Variants in LIN52 observed in about 807,000 individuals in gnomAD.
LIN52 encodes the protein protein lin-52 homolog.
A neutral mutation model predicts 18.5 loss-of-function variants in LIN52; 4 were observed. The ratio of observed to expected loss-of-function variants is 0.22; its 90% CI spans 0.11 to 0.49. The LOEUF (loss-of-function observed/expected upper bound fraction) is 0.49. Among genes scored for constraint, LIN52 ranks in the 20% least tolerant of loss-of-function variants. The pLI is 0.97. For missense variants in LIN52, 102 were observed against 139.5 expected, an observed-to-expected ratio of 0.73 and a Z score of 1.35; for synonymous variants, 34 against 45.5, an observed-to-expected ratio of 0.75 and a Z score of 1.02.
intron 5 of LIN52, 33 bp downstream of exon 5, chr14:74,101,271 T>G: frequency 1.4e-6 from 2 of 1,477,984 alleles, no homozygotes; most frequent in Non-Finnish European, 1.9e-6. Context: ...TTCAGGGGTG[T>G]ATTCCACCCT....
At chr14:74,153,708 T>C (rs1276758700) in intron 5 of LIN52, among the ~76,000 whole-genome samples, 1 of 152,112 alleles carries the variant, frequency 6.6e-6, no homozygotes, top group Non-Finnish European at 1.5e-5. Flanking sequence ...CATGCCCGGC[T>C]AATTTTTGTA....
At chr14:74,169,635 A>C (rs2061262802) in intron 5 of LIN52, among the ~76,000 whole-genome samples, 1 of 152,238 alleles carries the variant, frequency 6.6e-6, no homozygotes, top group Admixed American at 6.5e-5. Context: ...GCAATACAGA[A>C]AGAAAGCAAA....
intron 5 of LIN52, among the ~76,000 whole-genome samples, chr14:74,176,173 T>C (rs2061293610): frequency 6.6e-6 from 1 of 152,176 alleles, no homozygotes; most frequent in Non-Finnish European, 1.5e-5. Flanking sequence ...TTTTATATTA[T>C]AATTATTGAG....
intron 5 of LIN52, among the ~76,000 whole-genome samples, chr14:74,143,108 A>C (rs2061138936): frequency 1.3e-5 from 2 of 152,164 alleles, no homozygotes; most frequent in East Asian, 3.9e-4. Flanking sequence ...CGGGATGTGC[A>C]TTTGAAATAG....
At chr14:74,160,188 G>A (rs556395027) in intron 5 of LIN52, among the ~76,000 whole-genome samples, 2 of 152,302 alleles carry the variant, frequency 1.3e-5, no homozygotes, top group South Asian at 4.1e-4. Context: ...TGGACATGGA[G>A]ACAGACATGC....
chr14:74,200,403 ACT>A lies in LIN52; in HGVS notation c.*1429_*1430del, dbSNP rs1223291612. On this transcript the variant is annotated 3_prime_UTR_variant, in exon 6 of 6. Transcript: ENST00000555028. ...ACTCCAGCCTGGGCAACAGAGTGAG[ACT>A]CTGTCTCAGAAAAAAAAAAAAAAAA... The A allele has an allele frequency of 1.6e-5, 2 of 126,050 alleles. No homozygotes were observed. The highest frequency in any genetic ancestry group is 8.8e-5 in the Admixed American group (1 of 11,364). The allele number at this position is 126,050 out of a possible 1,614,324, so 7.8% of individuals were successfully genotyped here. A position where few individuals can be genotyped will look rare whatever the true frequency, so the allele number is the denominator to read the frequency against.
At chr14:74,140,000 T>TA (rs2061120620) in intron 5 of LIN52, among the ~76,000 whole-genome samples, 1 of 152,138 alleles carries the variant, frequency 6.6e-6, no homozygotes, top group Non-Finnish European at 1.5e-5. Flanking sequence ...CCTTTTATAA[T>TA]ATATAGTGTA....
chr14:74,183,739 T>C (rs1169210135), intron 5 of LIN52, among the ~76,000 whole-genome samples: 1 of 152,146 alleles, frequency 6.6e-6, no homozygotes, highest in Non-Finnish European at 1.5e-5. Context: ...TGTTATGTTG[T>C]TTACTATAAT....
At chr14:74,112,630 T>C (rs2060936825) in intron 5 of LIN52, among the ~76,000 whole-genome samples, 1 of 152,226 alleles carries the variant, frequency 6.6e-6, no homozygotes, top group Admixed American at 6.5e-5. Context: ...TGAAACTACA[T>C]TGGACTAATT....
chr14:74,084,980 G>C lies in LIN52; in HGVS notation c.6G>C (p.Ala2=). The change falls in exon 1 of 6, where the codon GCG becomes GCC. Residue 2 remains alanine, a synonymous_variant. Transcript: ENST00000555028. ...CACGTGACATGGGTTGGAAGATGGC[G>C]TCTCCCACAGACGGTAAGAGCCGGC... M[A]SPTDGTDLEA... is the part of the protein sequence containing the mutation. The C allele has an allele frequency of 1.4e-6, 2 of 1,434,184 alleles. No individual in the cohort carries two copies. The highest frequency in any genetic ancestry group is 1.8e-6 in the Non-Finnish European group (2 of 1,090,228). The allele number at this position is 1,434,184 out of a possible 1,614,324, so 88.8% of individuals were successfully genotyped here.
intron 5 of LIN52, among the ~76,000 whole-genome samples, chr14:74,171,131 C>G (rs1385213572): frequency 6.6e-6 from 1 of 151,628 alleles, no homozygotes; most frequent in East Asian, 1.9e-4. Flanking sequence ...TGCCTATAAT[C>G]CTAACACTTT....
chr14:74,179,606 A>C (rs1304383837), intron 5 of LIN52, among the ~76,000 whole-genome samples: 1 of 151,200 alleles, frequency 6.6e-6, no homozygotes, highest in Non-Finnish European at 1.5e-5. Flanking sequence ...CAGTGAACCA[A>C]GATCAGGCCA....
chr14:74,104,129 C>T (rs949897480), intron 5 of LIN52, among the ~76,000 whole-genome samples: 1 of 151,974 alleles, frequency 6.6e-6, no homozygotes, highest in Non-Finnish European at 1.5e-5. Context: ...AATCTCCTGA[C>T]CTCGTGATCC....
intron 1 of LIN52, among the ~76,000 whole-genome samples, chr14:74,086,948 GAAAA>G (rs151235071): frequency 6.7e-6 from 1 of 149,738 alleles, no homozygotes; most frequent in Non-Finnish European, 1.5e-5. Context: ...CACCACAGTT[GAAAA>G]AAAAAGCCAA....
chr14:74,107,443 C>G (rs1272148194), intron 5 of LIN52, among the ~76,000 whole-genome samples: 1 of 152,050 alleles, frequency 6.6e-6, no homozygotes, highest in Non-Finnish European at 1.5e-5. Context: ...CATGCTATTC[C>G]TTTTTCTCGG....
chr14:74,115,010 A>C (rs551175529), intron 5 of LIN52, among the ~76,000 whole-genome samples: 2 of 152,374 alleles, frequency 1.3e-5, no homozygotes, highest in African/African-American at 4.8e-5. Context: ...TATACAGTAG[A>C]CATCCAATTC....
At chr14:74,191,429 A>G (rs968678042) in intron 5 of LIN52, among the ~76,000 whole-genome samples, 3 of 152,204 alleles carry the variant, frequency 2.0e-5, no homozygotes, top group African/African-American at 7.2e-5. Flanking sequence ...ACTGATCAGC[A>G]GGTCCCTTTT....
intron 5 of LIN52, among the ~76,000 whole-genome samples, chr14:74,161,552 A>T (rs570678799): frequency 2.6e-5 from 4 of 152,380 alleles, no homozygotes; most frequent in Non-Finnish European, 2.9e-5. Context: ...CTGAAAGGAA[A>T]AGAAGAGTCA....
In LIN52 at chr14:74,140,697, GT is replaced by G. The variant is rs1489327491; in HGVS notation, c.283+39461del. 2.6e-5 allele frequency among the ~76,000 whole-genome samples: 4 copies of G among 152,312 alleles called. No individual in the cohort carries two copies. The East Asian group carries it at 7.7e-4, about 29-fold the overall frequency. On this transcript the variant is annotated intron_variant, in intron 5 of 5. Transcript: ENST00000555028. ...GAACCCGCACGTGGCTGCCCCAGCT[GT>G]TCTGCTTTGCCTAATGAATTGTTTT...
Sources: gnomAD v4.1 joint callset for allele counts (sites outside exome capture counted in the v4.1 genomes callset) on GRCh38, gnomAD v4.1.1 for gene constraint, MANE v1.5 for transcripts, NCBI Gene and HGNC (gene_info 2026-07-23, HGNC 2026-07-21) for gene names.